ZNF561: variants seen among roughly 807,000 people sequenced by gnomAD.
ZNF561 encodes the protein zinc finger protein 561.
Under a neutral mutation model 16.7 loss-of-function variants are expected in ZNF561, and 16 were observed. The observed-to-expected ratio is 0.96, with a 90% confidence interval of 0.65 to 1.45. The LOEUF (loss-of-function observed/expected upper bound fraction) is 1.45. Among genes scored for constraint, ZNF561 ranks in the 40% most tolerant of loss-of-function variants. ZNF561 has a pLI of 0.00. For missense variants in ZNF561, 580 were observed against 578.0 expected (o/e 1.00, Z -0.04); for synonymous variants, 190 against 192.1 (o/e 0.99, Z 0.09).
rs771567064 is a variant in ZNF561, at chr19:9,610,611, C to G, written c.1050G>C (p.Ser350=). 6.2e-7 allele frequency: 1 copy of G among 1,613,528 alleles called. No homozygotes were observed. Among genetic ancestry groups the G allele is most frequent in the Non-Finnish European group, 8.5e-7 (1 of 1,179,700 alleles). ...KECGQAFAQY[S]GLSIHIRSHS... ...GACTTCGTATGTGTATAGAAAGGCC[C>G]GAGTACTGAGCAAAGGCTTGGCCAC... is the stretch of plus-strand genomic sequence containing the variant. The change falls in exon 6 of 6, where the codon TCG becomes TCC. Residue 350 remains serine, a synonymous_variant. Coordinates refer to ENST00000302851, the MANE Select transcript of ZNF561 (RefSeq NM_152289.3).
In ZNF561 at chr19:9,610,066, G is replaced by A. The variant is rs538571182; in HGVS notation, c.*134C>T. 3.9e-6 allele frequency: 3 copies of A among 777,900 alleles called. No homozygotes were observed. The highest frequency in any genetic ancestry group is 6.0e-6 in the Non-Finnish European group (3 of 503,256). 48.2% of individuals were successfully genotyped at this position (777,900 alleles called of 1,614,324 possible). ...AACCATGATGTTGTATTCAGAACCT[G>A]TAGGTTTAATTTCAGACCCTCAGGA... is the stretch of plus-strand genomic sequence containing the variant. On this transcript the variant is annotated 3_prime_UTR_variant, in exon 6 of 6. Transcript: ENST00000302851.
chr19:9,609,934 C>T lies in ZNF561; in HGVS notation c.*266G>A. 1 of 323,202 alleles carries T rather than the reference C, an allele frequency of 3.1e-6. No homozygotes were observed. Among genetic ancestry groups the T allele is most frequent in the Non-Finnish European group, 5.7e-6 (1 of 174,998 alleles). The allele number at this position is 323,202 out of a possible 1,614,324, so 20.0% of individuals were successfully genotyped here. On this transcript the variant is annotated 3_prime_UTR_variant, in exon 6 of 6. Coordinates refer to ENST00000302851, the MANE Select transcript of ZNF561 (RefSeq NM_152289.3). ...CAATCTGCATGATTTATCTCATACA[C>T]AACTTGTTAATGCTATGATCTTAGG...
At position 9,619,168 on chromosome 19, in the gene ZNF561, A is replaced by T. The variant is rs541394126; in HGVS notation, c.25+264T>A. ...GATACTTGGGAGGCTGAGGCAAGAG[A>T]ATCACTTGAACCTGGGAGGTGAAGG... On this transcript the variant is annotated intron_variant, in intron 2 of 5. Transcript: ENST00000302851. 13 of 210,448 alleles carry T rather than the reference A, an allele frequency of 6.2e-5. No homozygotes were observed. In the South Asian group the frequency reaches 2.1e-3, roughly 34 times the overall value. The allele number at this position is 210,448 out of a possible 1,614,324, so 13.0% of individuals were successfully genotyped here.
intron 5 of ZNF561, among the ~76,000 whole-genome samples, chr19:9,612,118 G>A (rs2074470287): frequency 6.6e-6 from 1 of 151,910 alleles, no homozygotes; most frequent in African/African-American, 2.4e-5. Flanking sequence ...AGTAGAGACA[G>A]GGTTTCACCA....
At chr19:9,616,873 C>T (rs2074563720) in intron 4 of ZNF561, 172 bp downstream of exon 4, 3 of 788,984 alleles carry the variant, frequency 3.8e-6, no homozygotes, top group African/African-American at 3.5e-5. Flanking sequence ...GGATTACAGG[C>T]ATGAGCCACT....
At chr19:9,618,874 T>C (rs535987067) in intron 2 of ZNF561, among the ~76,000 whole-genome samples, 1 of 152,300 alleles carries the variant, frequency 6.6e-6, no homozygotes, top group African/African-American at 2.4e-5. Flanking sequence ...CCCAATACTT[T>C]GGGAGGCCAA....
In ZNF561 at chr19:9,610,326, T is replaced by C. The variant is rs772936188; in HGVS notation, c.1335A>G (p.Gly445=). The C allele has an allele frequency of 1.2e-6, 2 of 1,614,202 alleles. No individual in the cohort carries two copies. Among genetic ancestry groups the C allele is most frequent in the East Asian group, 4.5e-5 (2 of 44,892 alleles). The change falls in exon 6 of 6, where the codon GGA becomes GGG. Residue 445 remains glycine (G), a synonymous_variant. Transcript: ENST00000302851. ...RLNVHLRTHT[G]EKPFVCKECG... ...ATTCTTTACATACGAAGGGTTTCTC[T>C]CCGGTATGAGTTCGCAGGTGAACAT...
In ZNF561 at chr19:9,610,108, TC is replaced by T; in HGVS notation, c.*91del. 1 of 1,168,342 alleles carries T rather than the reference TC, an allele frequency of 8.6e-7. No individual in the cohort carries two copies. Among genetic ancestry groups the T allele is most frequent in the Non-Finnish European group, 1.2e-6 (1 of 845,034 alleles). 72.4% of individuals were successfully genotyped at this position (1,168,342 alleles called of 1,614,324 possible). On this transcript the variant is annotated 3_prime_UTR_variant, in exon 6 of 6. Coordinates refer to ENST00000302851, the MANE Select transcript of ZNF561 (RefSeq NM_152289.3). ...CCCTCAGGATGGTATCTAAGGCCAA[TC>T]CATGAGTCATTACAACCTCCAAAAG... is the stretch of plus-strand genomic sequence containing the variant.
chr19:9,613,829 C>A (rs1384203215), intron 5 of ZNF561, among the ~76,000 whole-genome samples, 192 bp downstream of exon 5: 1 of 152,032 alleles, frequency 6.6e-6, no homozygotes, highest in Non-Finnish European at 1.5e-5. Context: ...TTTTTAAAAT[C>A]AGAGATGGGA....
chr19:9,619,430 A>C lies in ZNF561; in HGVS notation c.25+2T>G, dbSNP rs768084468. On this transcript the variant is annotated splice_donor_variant, in intron 2 of 5. Transcript: ENST00000302851. LOFTEE classifies it high-confidence loss of function. ...TGAAAAAGAGCATCAACAAAGACTT[A>C]CCACGGGACAAATAAATGGCTGCCA... 1.9e-6 allele frequency: 3 copies of C among 1,613,422 alleles called. No individual in the cohort carries two copies. The highest frequency in any genetic ancestry group is 2.5e-6 in the Non-Finnish European group (3 of 1,179,580).
chr19:9,620,868 C>T (rs1423852789), intron 1 of ZNF561: 1 of 152,346 alleles, frequency 6.6e-6, no homozygotes, highest in Admixed American at 6.5e-5. Flanking sequence ...CATGGCAAAA[C>T]CATCTCTACT....
intron 5 of ZNF561, among the ~76,000 whole-genome samples, chr19:9,612,355 G>A (rs116171544): frequency 0.021 from 3,163 of 152,228 alleles, 115 homozygotes; most frequent in African/African-American, 0.072. Context: ...GAATAGCTGG[G>A]ATTACAGGCA....
At position 9,607,970 on chromosome 19, in the gene ZNF561, C is replaced by G. The variant is rs1162232871; in HGVS notation, c.*2230G>C. Reference sequence around the variant, plus strand: ...CACTGCAACCTGTGCCTCCCAGGTTCATGCCATTCTCCTGCCTCAGCCTCC... The same window carrying G: ...CACTGCAACCTGTGCCTCCCAGGTTGATGCCATTCTCCTGCCTCAGCCTCC... On this transcript the variant is annotated 3_prime_UTR_variant, in exon 6 of 6. Coordinates refer to ENST00000302851, the MANE Select transcript of ZNF561 (RefSeq NM_152289.3). 25 of 152,346 alleles carry G rather than the reference C, an allele frequency of 1.6e-4. No individual in the cohort carries two copies. The highest frequency in any genetic ancestry group is 1.4e-3 in the Admixed American group (22 of 15,278). The allele number at this position is 152,346 out of a possible 1,614,324, so 9.4% of individuals were successfully genotyped here.
chr19:9,616,898 A>ATT, intron 4 of ZNF561, 147 bp downstream of exon 4: 15 of 1,079,216 alleles, frequency 1.4e-5, no homozygotes, highest in Admixed American at 3.2e-5. Flanking sequence ...CCGGCCTAGA[A>ATT]TTTTTTTTTT....
At position 9,611,156 on chromosome 19, in the gene ZNF561, A is replaced by T. The variant is rs1446544974; in HGVS notation, c.505T>A (p.Ser169Thr). The part of the protein sequence containing the change: ...HKEASTGQEL[S>T]KFNPCGKVFT... Reference sequence around the variant, plus strand: ...ACTTTTCCACATGGATTAAATTTGGAAAGTTCCTGTCCAGTAGAGGCTTCC... The same window carrying T: ...ACTTTTCCACATGGATTAAATTTGGTAAGTTCCTGTCCAGTAGAGGCTTCC... The change falls in exon 6 of 6, where the codon TCC becomes ACC. Residue 169 changes from serine to threonine, a missense_variant. Transcript: ENST00000302851. 1 of 1,613,914 alleles carries T rather than the reference A, an allele frequency of 6.2e-7. No individual in the cohort carries two copies. The highest frequency in any genetic ancestry group is 2.2e-5 in the East Asian group (1 of 44,886).
Position 9,610,219 on chromosome 19 carries a change from T to A in ZNF561, c.1442A>T (p.Asp481Val). Residue 481 changes from aspartate to valine, a missense_variant, in exon 6 of 6, where the codon GAT becomes GTT. Coordinates refer to ENST00000302851, the MANE Select transcript of ZNF561 (RefSeq NM_152289.3). ...HTGEKPYECK[D>V]MSVTI ...GATGGGCTAAATGGTAACACTCATA[T>A]CCTTGCATTCATAGGGTTTCTCCCC... 6.2e-7 allele frequency: 1 copy of A among 1,603,058 alleles called. No individual in the cohort carries two copies. Among genetic ancestry groups the A allele is most frequent in the Non-Finnish European group, 8.5e-7 (1 of 1,174,418 alleles).
chr19:9,616,864 G>C, intron 4 of ZNF561, 181 bp downstream of exon 4: 2 of 701,268 alleles, frequency 2.9e-6, no homozygotes, highest in Non-Finnish European at 4.3e-6. Context: ...AAAGTGCTGG[G>C]ATTACAGGCA....
chr19:9,613,965 G>A, intron 5 of ZNF561, 56 bp downstream of exon 5: 1 of 1,595,864 alleles, frequency 6.3e-7, no homozygotes, highest in Non-Finnish European at 8.6e-7. Flanking sequence ...TTCTAGAATG[G>A]AATTCTCTAT....
intron 5 of ZNF561, 99 bp from the exon 6 acceptor site, chr19:9,611,435 A>C (rs2074455928): frequency 1.6e-6 from 2 of 1,258,110 alleles, no homozygotes; most frequent in Non-Finnish European, 2.1e-6. Context: ...TTATGATTTT[A>C]CTTTTTAATA....
Sources: allele counts gnomAD v4.1 joint callset (sites outside exome capture counted in the v4.1 genomes callset), GRCh38; gene constraint gnomAD v4.1.1; transcripts MANE v1.5; gene names NCBI Gene and HGNC (gene_info 2026-07-23, HGNC 2026-07-21).